Variants in ZBTB7C observed in about 807,000 individuals in gnomAD.
The protein encoded by ZBTB7C is zinc finger and BTB domain containing 7C.
ZBTB7C carries 8 observed loss-of-function variants against 25.7 expected under a neutral mutation model. The ratio of observed to expected loss-of-function variants is 0.31; its 90% CI spans 0.18 to 0.56. ZBTB7C has a LOEUF of 0.56. ZBTB7C is among the 20% of genes least tolerant of loss of function. The pLI is 0.91. For missense variants in ZBTB7C, 824 were observed against 855.2 expected, an observed-to-expected ratio of 0.96 and a Z score of 0.46; for synonymous variants, 394 against 369.0, an observed-to-expected ratio of 1.07 and a Z score of -0.78.
intron 3 of ZBTB7C, among the ~76,000 whole-genome samples, chr18:48,052,131 G>A (rs1022591822): frequency 6.6e-6 from 1 of 152,154 alleles, no homozygotes; most frequent in Non-Finnish European, 1.5e-5. Context: ...TAGGCCACGC[G>A]TTACTGAGTT....
intron 1 of ZBTB7C, among the ~76,000 whole-genome samples, chr18:48,339,951 T>G (rs755178028): frequency 1.4e-4 from 22 of 152,136 alleles, no homozygotes; most frequent in Non-Finnish European, 2.8e-4. Flanking sequence ...CAGCTCACAC[T>G]CCAAGTCACT....
At chr18:48,202,198 C>T (rs2042466843) in intron 2 of ZBTB7C, among the ~76,000 whole-genome samples, 1 of 152,202 alleles carries the variant, frequency 6.6e-6, no homozygotes, top group South Asian at 2.1e-4. Context: ...GGAGGCAGGA[C>T]ATGGACATTG....
chr18:48,157,674 G>A (rs959716483), intron 3 of ZBTB7C, among the ~76,000 whole-genome samples: 1 of 152,202 alleles, frequency 6.6e-6, no homozygotes, highest in Non-Finnish European at 1.5e-5. Context: ...ACTGTGTGAC[G>A]TGAGGCAAAT....
At chr18:48,212,609 T>G (rs558967995) in intron 2 of ZBTB7C, among the ~76,000 whole-genome samples, 1 of 152,196 alleles carries the variant, frequency 6.6e-6, no homozygotes, top group Non-Finnish European at 1.5e-5. Context: ...AAGGGAACTC[T>G]CCGTACTTTC....
intron 3 of ZBTB7C, chr18:48,137,325 G>C: frequency 4.1e-6 from 4 of 985,380 alleles, no homozygotes; most frequent in Non-Finnish European, 4.8e-6. Context: ...CTTTGGAAAA[G>C]GTAAAGCAGA....
rs553974999 is a variant in ZBTB7C at position 48,121,851 on chromosome 18, C to A, written c.-17+64083G>T. Among the ~76,000 whole-genome samples the A allele has an allele frequency of 3.3e-5, 5 of 152,278 alleles. No individual in the cohort carries two copies. In the South Asian group the frequency reaches 1.0e-3, roughly 32 times the overall value. ...GAGAGGGAAAAGGCTGTGCTGGGCACAGAGTGGCTCTGGTGTCCTGAGGGC... is the reference window on the plus strand; with the variant it reads ...GAGAGGGAAAAGGCTGTGCTGGGCAAAGAGTGGCTCTGGTGTCCTGAGGGC... On this transcript the variant is annotated intron_variant, in intron 3 of 4. Coordinates refer to ENST00000590800, the MANE Select transcript of ZBTB7C (RefSeq NM_001318841.2).
chr18:48,396,751 A>G, intron 1 of ZBTB7C, among the ~76,000 whole-genome samples: 1 of 152,190 alleles, frequency 6.6e-6, no homozygotes. Flanking sequence ...AACAACACAT[A>G]TTACTTGGCC....
chr18:48,086,440 C>G (rs563537941), intron 3 of ZBTB7C, among the ~76,000 whole-genome samples: 1 of 152,166 alleles, frequency 6.6e-6, no homozygotes, highest in African/African-American at 2.4e-5. Context: ...CCCTGTAAAG[C>G]GGCACCCCAT....
At chr18:48,318,341 A>T (rs2046002507) in intron 2 of ZBTB7C, among the ~76,000 whole-genome samples, 1 of 151,012 alleles carries the variant, frequency 6.6e-6, no homozygotes, top group South Asian at 2.1e-4. Flanking sequence ...CCCTGCCCCC[A>T]TCCCTCCAGA....
intron 1 of ZBTB7C, among the ~76,000 whole-genome samples, chr18:48,352,465 CA>C (rs1263235459): frequency 2.6e-5 from 4 of 152,218 alleles, no homozygotes; most frequent in African/African-American, 9.6e-5. Flanking sequence ...ACTCTTTTAG[CA>C]AAGCATCACC....
intron 3 of ZBTB7C, among the ~76,000 whole-genome samples, chr18:48,068,078 T>A (rs528622270): frequency 2.6e-5 from 4 of 152,096 alleles, no homozygotes; most frequent in Admixed American, 1.3e-4. Flanking sequence ...TCTGGAGAAC[T>A]CTGACTAATA....
chr18:48,212,423 T>C (rs1411147249), intron 2 of ZBTB7C, among the ~76,000 whole-genome samples: 1 of 152,108 alleles, frequency 6.6e-6, no homozygotes, highest in Non-Finnish European at 1.5e-5. Flanking sequence ...ATTATACATG[T>C]GTCCAAACCT....
chr18:48,222,508 T>C (rs182779740), intron 2 of ZBTB7C, among the ~76,000 whole-genome samples: 1 of 152,318 alleles, frequency 6.6e-6, no homozygotes, highest in Non-Finnish European at 1.5e-5. Context: ...CCCTCTATAC[T>C]GTCCAGTTTT....
chr18:48,269,246 G>A (rs994170373), intron 2 of ZBTB7C, among the ~76,000 whole-genome samples: 5 of 152,114 alleles, frequency 3.3e-5, no homozygotes, highest in African/African-American at 9.7e-5. Context: ...TTACACATGT[G>A]AGCCGCCATG....
intron 2 of ZBTB7C, among the ~76,000 whole-genome samples, chr18:48,301,239 G>A (rs1163899317): frequency 6.6e-6 from 1 of 152,226 alleles, no homozygotes; most frequent in Non-Finnish European, 1.5e-5. Flanking sequence ...AGCGCTTTGG[G>A]AGGCTGAGGT....
chr18:48,328,272 A>G (rs1671479234), intron 2 of ZBTB7C, among the ~76,000 whole-genome samples: 1 of 151,818 alleles, frequency 6.6e-6, no homozygotes, highest in South Asian at 2.1e-4. Context: ...ATATGTATCT[A>G]TTTTCCAGAT....
intron 3 of ZBTB7C, among the ~76,000 whole-genome samples, chr18:48,127,227 G>A (rs2039831210): frequency 6.6e-6 from 1 of 152,198 alleles, no homozygotes; most frequent in South Asian, 2.1e-4. Context: ...ACCAGGCCCT[G>A]ATTCCAGAGC....
chr18:48,279,773 T>C (rs1167716094), intron 2 of ZBTB7C, among the ~76,000 whole-genome samples: 1 of 152,142 alleles, frequency 6.6e-6, no homozygotes, highest in Non-Finnish European at 1.5e-5. Flanking sequence ...CAGCCCCACA[T>C]TCACAGAAGC....
intron 3 of ZBTB7C, among the ~76,000 whole-genome samples, chr18:48,050,442 C>T (rs1243037683): frequency 6.6e-6 from 1 of 152,192 alleles, no homozygotes; most frequent in Non-Finnish European, 1.5e-5. Flanking sequence ...AAGCCGGCCC[C>T]ACCTGCTCTG....
Sources: allele counts gnomAD v4.1 joint callset (sites outside exome capture counted in the v4.1 genomes callset), GRCh38; gene constraint gnomAD v4.1.1; transcripts MANE v1.5; gene names NCBI Gene and HGNC (gene_info 2026-07-23, HGNC 2026-07-21).